Variants in NKAIN2 observed in about 807,000 individuals in gnomAD.
The protein encoded by NKAIN2 is sodium/potassium-transporting ATPase subunit beta-1-interacting protein 2.
NKAIN2 carries 14 observed loss-of-function variants against 32.6 expected under a neutral mutation model. The ratio of observed to expected loss-of-function variants is 0.43; its 90% CI spans 0.28 to 0.67. NKAIN2 has a LOEUF of 0.67. Ranked by LOEUF, NKAIN2 falls within the 30% of genes least tolerant of loss-of-function variation. The probability of loss-of-function intolerance (pLI) is 0.17; values close to 1 mark genes in which losing one functional copy is unlikely to be tolerated. For synonymous variants in NKAIN2, 80 were observed against 87.2 expected, an observed-to-expected ratio of 0.92 and a Z score of 0.46; for missense variants, 198 against 258.3, an observed-to-expected ratio of 0.77 and a Z score of 1.60.
At chr6:123,860,597 G>T (rs1562224726) in intron 1 of NKAIN2, among the ~76,000 whole-genome samples, 1 of 152,044 alleles carries the variant, frequency 6.6e-6, no homozygotes, top group Non-Finnish European at 1.5e-5. Context: ...TACTTGTAGA[G>T]ATGTGATTTC....
intron 3 of NKAIN2, among the ~76,000 whole-genome samples, chr6:124,651,341 C>T (rs1043565435): frequency 1.3e-5 from 2 of 152,178 alleles, no homozygotes; most frequent in Non-Finnish European, 2.9e-5. Flanking sequence ...GATGGCCCCA[C>T]TACTGTGGCT....
chr6:124,471,627 G>C (rs1327782560), intron 3 of NKAIN2, among the ~76,000 whole-genome samples: 3 of 152,038 alleles, frequency 2.0e-5, no homozygotes, highest in Non-Finnish European at 4.4e-5. Flanking sequence ...TAAATCTAAA[G>C]GCTTCAGCTT....
At chr6:124,623,451 T>C (rs1270366867) in intron 3 of NKAIN2, among the ~76,000 whole-genome samples, 1 of 152,146 alleles carries the variant, frequency 6.6e-6, no homozygotes, top group Non-Finnish European at 1.5e-5. Flanking sequence ...AACTTAAAAA[T>C]GTAAGTATGA....
At chr6:124,248,868 G>C (rs1793551113) in intron 1 of NKAIN2, among the ~76,000 whole-genome samples, 1 of 152,066 alleles carries the variant, frequency 6.6e-6, no homozygotes, top group Non-Finnish European at 1.5e-5. Flanking sequence ...GATAAGGAAA[G>C]GGCAAAATTA....
intron 3 of NKAIN2, among the ~76,000 whole-genome samples, chr6:124,446,951 A>G (rs1775917512): frequency 6.6e-6 from 1 of 152,126 alleles, no homozygotes; most frequent in Non-Finnish European, 1.5e-5. Flanking sequence ...ATGCTGCTAT[A>G]CATCCTACAA....
intron 1 of NKAIN2, among the ~76,000 whole-genome samples, chr6:124,061,425 CTT>C (rs1782913225): frequency 6.6e-6 from 1 of 152,052 alleles, no homozygotes; most frequent in Admixed American, 6.6e-5. Context: ...CAATTTTTCT[CTT>C]TCTCTATATT....
intron 1 of NKAIN2, among the ~76,000 whole-genome samples, chr6:124,101,353 T>C (rs1784878867): frequency 1.3e-5 from 2 of 152,206 alleles, no homozygotes; most frequent in Admixed American, 6.5e-5. Context: ...ATAGGCTGTA[T>C]TGGTCACCAT....
At chr6:124,337,973 T>G (rs1384385043) in intron 2 of NKAIN2, among the ~76,000 whole-genome samples, 1 of 152,210 alleles carries the variant, frequency 6.6e-6, no homozygotes. Context: ...TTACGCATAG[T>G]ATCATTGTCT....
chr6:124,200,278 A>T (rs1272094957), intron 1 of NKAIN2, among the ~76,000 whole-genome samples: 1 of 152,138 alleles, frequency 6.6e-6, no homozygotes, highest in African/African-American at 2.4e-5. Context: ...TAAACTCAGG[A>T]ATATTTGTTA....
Position 123,920,476 on chromosome 6 carries a change from C to T in NKAIN2, c.54+116222C>T, listed in dbSNP as rs575584417. Among the ~76,000 whole-genome samples, 46 of 152,020 alleles carry T rather than the reference C, an allele frequency of 3.0e-4. 1 individual carries two copies. The highest frequency in any genetic ancestry group is 5.9e-4 in the Admixed American group (9 of 15,240). On this transcript the variant is annotated intron_variant, in intron 1 of 6. Coordinates refer to ENST00000368417, the MANE Select transcript of NKAIN2 (RefSeq NM_001040214.3). ...TTCAGAAGCACAAAAACCTAGGATG[C>T]GGAGAGGTTAAATAGCTCCCACCCT...
At chr6:124,013,820 A>G (rs936276363) in intron 1 of NKAIN2, among the ~76,000 whole-genome samples, 1 of 152,222 alleles carries the variant, frequency 6.6e-6, no homozygotes, top group South Asian at 2.1e-4. Context: ...GGTTAGAGAG[A>G]TGTGGCCTTT....
chr6:124,135,248 A>G (rs1310730848), intron 1 of NKAIN2, among the ~76,000 whole-genome samples: 1 of 152,096 alleles, frequency 6.6e-6, no homozygotes, highest in Non-Finnish European at 1.5e-5. Context: ...AACAACTAGC[A>G]TGATGAATAG....
intron 3 of NKAIN2, among the ~76,000 whole-genome samples, chr6:124,585,414 T>G (rs963637728): frequency 6.6e-6 from 1 of 152,168 alleles, no homozygotes; most frequent in East Asian, 1.9e-4. Context: ...AACAGGTTAC[T>G]ACAGTCAACA....
chr6:124,566,212 C>T (rs1023128291), intron 3 of NKAIN2, among the ~76,000 whole-genome samples: 4 of 152,180 alleles, frequency 2.6e-5, no homozygotes, highest in East Asian at 1.9e-4. Flanking sequence ...CCTCTAAAAG[C>T]GTTTTCTTAT....
chr6:123,965,674 G>A (rs1036621611), intron 1 of NKAIN2, among the ~76,000 whole-genome samples: 1 of 152,082 alleles, frequency 6.6e-6, no homozygotes, highest in Admixed American at 6.6e-5. Flanking sequence ...GCCTGTAGGT[G>A]GAATTATCCC....
chr6:124,540,689 A>G (rs958576474), intron 3 of NKAIN2, among the ~76,000 whole-genome samples: 5 of 152,196 alleles, frequency 3.3e-5, no homozygotes, highest in Admixed American at 1.3e-4. Context: ...TGATTTTTTG[A>G]CTGTACAATG....
At chr6:123,854,053 A>T (rs1323233050) in intron 1 of NKAIN2, among the ~76,000 whole-genome samples, 2 of 152,148 alleles carry the variant, frequency 1.3e-5, no homozygotes, top group Non-Finnish European at 2.9e-5. Context: ...GATTACAGGC[A>T]TGAGCCACCA....
At position 124,658,246 on chromosome 6, in the gene NKAIN2, G is replaced by A; in HGVS notation, c.334G>A (p.Gly112Arg). ...GCACCGATCTTGGTGGATGGAGAAT[G>A]GACCAGGATGTACGGTGACGTCAGT... ...SMHRSWWMEN[G>R]PGCTVTSVTP... The change falls in exon 4 of 7, where the codon GGA becomes AGA. Residue 112 changes from glycine to arginine, a missense_variant. By Grantham distance (125) the Gly-to-Arg change is moderately radical. Transcript: ENST00000368417. 1 of 1,614,018 alleles carries A rather than the reference G, an allele frequency of 6.2e-7. No homozygotes were observed. The highest frequency in any genetic ancestry group is 8.5e-7 in the Non-Finnish European group (1 of 1,179,942).
chr6:124,116,224 C>T (rs971257838), intron 1 of NKAIN2, among the ~76,000 whole-genome samples: 32 of 151,910 alleles, frequency 2.1e-4, no homozygotes, highest in African/African-American at 7.7e-4. Flanking sequence ...TTAGAGATAC[C>T]ATGTATCCTA....
Sources: gnomAD v4.1 joint callset for allele counts (sites outside exome capture counted in the v4.1 genomes callset) on GRCh38, gnomAD v4.1.1 for gene constraint, MANE v1.5 for transcripts, NCBI Gene and HGNC (gene_info 2026-07-23, HGNC 2026-07-21) for gene names.